RTKN2: variants seen among roughly 807,000 people sequenced by gnomAD.
RTKN2 encodes the protein rhotekin-2.
Under a neutral mutation model 71.5 loss-of-function variants are expected in RTKN2, and 69 were observed. The ratio of observed to expected loss-of-function variants is 0.96; its 90% CI spans 0.79 to 1.18. The LOEUF (loss-of-function observed/expected upper bound fraction) is 1.18, where lower values mean the gene tolerates loss of function less well. Ranked by LOEUF, RTKN2 falls within the 50% of genes most tolerant of loss-of-function variation. The pLI is 0.00. For synonymous variants in RTKN2, 236 were observed against 236.5 expected (o/e 1.00, Z 0.02); for missense variants, 724 against 719.7 (o/e 1.01, Z -0.07).
Position 62,198,439 on chromosome 10 carries a change from A to G in RTKN2, c.1299T>C (p.Ile433=). 8 of 1,459,878 alleles carry G rather than the reference A, an allele frequency of 5.5e-6. No individual in the cohort carries two copies. The highest frequency in any genetic ancestry group is 2.3e-5 in the East Asian group (1 of 43,700). 90.4% of individuals were successfully genotyped at this position (1,459,878 alleles called of 1,614,324 possible). A position where few individuals can be genotyped will look rare whatever the true frequency, so the allele number is the denominator to read the frequency against. ...EATSVYHDMS[I]DSPMKLESLT... is the part of the protein sequence containing the mutation. ...AACTTTCAAGTTTCATAGGTGAATCAATGCCTATAATAATTTTAAGAAAAA... is the reference window on the plus strand; with the variant it reads ...AACTTTCAAGTTTCATAGGTGAATCGATGCCTATAATAATTTTAAGAAAAA... Residue 433 remains isoleucine (I), a synonymous_variant, in exon 12 of 12, where the codon ATT becomes ATC. Transcript: ENST00000373789.
At chr10:62,211,432 G>A (rs765150473) in intron 9 of RTKN2, among the ~76,000 whole-genome samples, 1 of 152,164 alleles carries the variant, frequency 6.6e-6, no homozygotes, top group Non-Finnish European at 1.5e-5. Flanking sequence ...ATTATAGCTT[G>A]AGAACAGATC....
intron 2 of RTKN2, among the ~76,000 whole-genome samples, chr10:62,260,532 ATATG>A (rs1202142180): frequency 3.1e-5 from 3 of 95,928 alleles, no homozygotes; most frequent in Admixed American, 2.3e-4. Flanking sequence ...ATGAACAAAT[ATATG>A]TGTGTGTGTG....
chr10:62,237,440 T>C (rs1842281760), intron 5 of RTKN2, among the ~76,000 whole-genome samples: 3 of 151,986 alleles, frequency 2.0e-5, no homozygotes, highest in South Asian at 2.1e-4. Flanking sequence ...CTTTCACAGA[T>C]ATCAGCTTCA....
chr10:62,217,376 T>C (rs895762210), intron 8 of RTKN2, 127 bp from the exon 9 acceptor site: 9 of 678,894 alleles, frequency 1.3e-5, no homozygotes, highest in Middle Eastern at 2.7e-4. Context: ...GAATTATCCA[T>C]TAATTTGATA....
intron 9 of RTKN2, chr10:62,215,029 C>T: frequency 6.9e-7 from 1 of 1,452,368 alleles, no homozygotes; most frequent in Non-Finnish European, 9.4e-7. Context: ...CTTTGCCTAC[C>T]TTAAAGGACT....
chr10:62,206,405 G>C (rs1029161368), intron 9 of RTKN2, among the ~76,000 whole-genome samples: 1 of 152,072 alleles, frequency 6.6e-6, no homozygotes, highest in African/African-American at 2.4e-5. Flanking sequence ...GAAGTAGCAG[G>C]GTTAGGAAGA....
rs1190959200 is a variant in RTKN2, at chr10:62,229,397, C to G, written c.687-6065G>C. Among the ~76,000 whole-genome samples the G allele has an allele frequency of 2.6e-5, 4 of 152,090 alleles. No homozygotes were observed. In the South Asian group the frequency reaches 8.3e-4, roughly 32 times the overall value. On this transcript the variant is annotated intron_variant, in intron 6 of 11. Coordinates refer to ENST00000373789, the MANE Select transcript of RTKN2 (RefSeq NM_145307.4). ...GAGGACAAGATTACTGGTGCAAGGTCATGAAACTGAGAGGTCAAGGTATTA... is the reference window on the plus strand; with the variant it reads ...GAGGACAAGATTACTGGTGCAAGGTGATGAAACTGAGAGGTCAAGGTATTA...
At chr10:62,264,773 A>G (rs1564533832) in intron 1 of RTKN2, among the ~76,000 whole-genome samples, 1 of 152,118 alleles carries the variant, frequency 6.6e-6, no homozygotes, top group Non-Finnish European at 1.5e-5. Flanking sequence ...AGGGCCTTAT[A>G]GAAGTACCTA....
At chr10:62,209,866 T>A (rs1841624159) in intron 9 of RTKN2, among the ~76,000 whole-genome samples, 1 of 152,190 alleles carries the variant, frequency 6.6e-6, no homozygotes, top group Non-Finnish European at 1.5e-5. Context: ...AGCCCACCAC[T>A]GATGGGCATT....
intron 2 of RTKN2, among the ~76,000 whole-genome samples, chr10:62,260,611 C>T (rs1348720741): frequency 6.6e-6 from 1 of 151,984 alleles, no homozygotes; most frequent in Non-Finnish European, 1.5e-5. Flanking sequence ...AACTGAAAAT[C>T]ATACACATTT....
intron 1 of RTKN2, among the ~76,000 whole-genome samples, chr10:62,267,450 TCAGGACAGCCAAAGTACATAA>T (rs1460459275): frequency 6.6e-6 from 1 of 152,142 alleles, no homozygotes; most frequent in African/African-American, 2.4e-5. Flanking sequence ...TTGTTAGCAA[TCAGGACAGCCAAAGTACATAA>T]CAGGACAGGA....
chr10:62,198,398 T>C lies in RTKN2; in HGVS notation c.1340A>G (p.Gln447Arg). Residue 447 changes from glutamine to arginine, a missense_variant, in exon 12 of 12, where the codon CAA becomes CGA. Transcript: ENST00000373789. ...CCCATTTGTCTCTTCAATTTTTTTT[T>C]GTATTATATCCGTTAAACTTTCAAG... ...MKLESLTDII[Q>R]KKIEETNGQF... is the part of the protein sequence containing the mutation. The C allele has an allele frequency of 6.3e-7, 1 of 1,587,732 alleles. No individual in the cohort carries two copies. The highest frequency in any genetic ancestry group is 2.2e-5 in the East Asian group (1 of 44,752).
At position 62,208,217 on chromosome 10, in the gene RTKN2, A is replaced by G. The variant is rs906957349; in HGVS notation, c.1021-3195T>C. On this transcript the variant is annotated intron_variant, in intron 9 of 11. Transcript: ENST00000373789. The stretch of plus-strand genomic sequence containing the variant: ...TGTACTTCCTCCTCTTCATTTCCAT[A>G]TACGTGGAAAATTACTAGATCAGGA... Among the ~76,000 whole-genome samples, 5 of 152,188 alleles carry G rather than the reference A, an allele frequency of 3.3e-5. No homozygotes were observed. In the South Asian group the frequency reaches 1.0e-3, roughly 31 times the overall value.
Position 62,196,337 on chromosome 10 carries a change from A to G in RTKN2, c.*1571T>C, listed in dbSNP as rs1314298957. 6 of 983,920 alleles carry G rather than the reference A, an allele frequency of 6.1e-6. No homozygotes were observed. The highest frequency in any genetic ancestry group is 6.2e-5 in the Admixed American group (1 of 16,236). The allele number at this position is 983,920 out of a possible 1,614,324, so 60.9% of individuals were successfully genotyped here. ...TCTACATGCTATCAAGCAGGCATATAGTACTTTCTTCTCACCAAAAACTCT... is the reference window on the plus strand; with the variant it reads ...TCTACATGCTATCAAGCAGGCATATGGTACTTTCTTCTCACCAAAAACTCT... On this transcript the variant is annotated 3_prime_UTR_variant, in exon 12 of 12. Transcript: ENST00000373789.
chr10:62,226,169 C>T (rs751175134), intron 6 of RTKN2, among the ~76,000 whole-genome samples: 11 of 151,990 alleles, frequency 7.2e-5, no homozygotes, highest in Admixed American at 2.6e-4. Context: ...AATCTCAAAA[C>T]ATCAACGAGT....
Position 62,252,287 on chromosome 10 carries a change from G to C in RTKN2, c.258-6230C>G, listed in dbSNP as rs373387889. Among the ~76,000 whole-genome samples, 58 of 152,100 alleles carry C rather than the reference G, an allele frequency of 3.8e-4. No homozygotes were observed. In the South Asian group the frequency reaches 0.012, roughly 32 times the overall value. On this transcript the variant is annotated intron_variant, in intron 2 of 11. Coordinates refer to ENST00000373789, the MANE Select transcript of RTKN2 (RefSeq NM_145307.4). ...TTAGATTTCTTAATAACAATACAAT[G>C]GAGCAAAGTCTTCACAAAACTCAAG...
At position 62,198,253 on chromosome 10, in the gene RTKN2, A is replaced by T. The variant is rs1440498582; in HGVS notation, c.1485T>A (p.His495Gln). 1.9e-6 allele frequency: 3 copies of T among 1,613,806 alleles called. No homozygotes were observed. The highest frequency in any genetic ancestry group is 2.5e-6 in the Non-Finnish European group (3 of 1,179,938). ...CTTGTCTCTTTTTCCCTTTTTCATC[A>T]TGTAATGGCTCACTTGCAGGATACA... ...KVLYPASEPL[H>Q]DEKGKKRQAP... The change falls in exon 12 of 12, where the codon CAT becomes CAA. Residue 495 changes from histidine to glutamine, a missense_variant. Transcript: ENST00000373789.
At chr10:62,251,244 C>T (rs1480649849) in intron 2 of RTKN2, among the ~76,000 whole-genome samples, 1 of 152,318 alleles carries the variant, frequency 6.6e-6, no homozygotes, top group Middle Eastern at 3.4e-3. Context: ...AGAGGGAACA[C>T]ATTTGCATAG....
rs200457241 is a variant in RTKN2 at position 62,195,602 on chromosome 10, GGAAT to G, written c.*2302_*2305del. On this transcript the variant is annotated 3_prime_UTR_variant, in exon 12 of 12. Transcript: ENST00000373789. The stretch of plus-strand genomic sequence containing the variant: ...AGGAGGGAAGGAGAGACGGACAGAG[GGAAT>G]GAAGGAAGGAAGGAAGGAAGGAAGG... 3 of 164,094 alleles carry G rather than the reference GGAAT, an allele frequency of 1.8e-5. No homozygotes were observed. Among genetic ancestry groups the G allele is most frequent in the Non-Finnish European group, 1.7e-5 (2 of 120,420 alleles). The allele number at this position is 164,094 out of a possible 1,614,324, so 10.2% of individuals were successfully genotyped here.
Sources: allele counts gnomAD v4.1 joint callset (sites outside exome capture counted in the v4.1 genomes callset), GRCh38; gene constraint gnomAD v4.1.1; transcripts MANE v1.5; gene names NCBI Gene and HGNC (gene_info 2026-07-23, HGNC 2026-07-21).